PON1: variants seen among roughly 807,000 people sequenced by gnomAD.
The protein encoded by PON1 is serum paraoxonase/arylesterase 1.
A neutral mutation model predicts 39.2 loss-of-function variants in PON1; 37 were observed. The observed-to-expected ratio is 0.94, with a 90% CI of 0.73 to 1.24. The LOEUF is 1.24. PON1 is among the 50% of genes most tolerant of loss of function. The pLI is 0.00. For missense variants in PON1, 397 were observed against 413.5 expected, an observed-to-expected ratio of 0.96 and a Z score of 0.35; for synonymous variants, 148 against 152.2, an observed-to-expected ratio of 0.97 and a Z score of 0.21.
intron 8 of PON1, 98 bp downstream of exon 8, chr7:95,302,107 A>G: frequency 1.3e-6 from 1 of 796,594 alleles, no homozygotes; most frequent in Admixed American, 3.0e-5. Context: ...AAAAAAAAAA[A>G]AAAAAAAAAA....
Position 95,299,073 on chromosome 7 carries a change from T to G in PON1, c.939A>C (p.Glu313Asp). Reference protein sequence around the residue: ...EVLRIQNILTEEPKVTQVYAE... With the variant: ...EVLRIQNILTDEPKVTQVYAE... ...CATAAACCTGTGTCACTTTAGGTTC[T>G]TCTGTTAGAATGTTCTGGATTCGAA... is the stretch of plus-strand genomic sequence containing the variant. The change falls in exon 9 of 9, where the codon GAA becomes GAC. Residue 313 changes from glutamate to aspartate, a missense_variant. Physicochemically the swap from Glu to Asp is conservative, Grantham distance 45. Transcript: ENST00000222381. 1.2e-6 allele frequency: 2 copies of G among 1,614,176 alleles called. No homozygotes were observed. The highest frequency in any genetic ancestry group is 1.7e-6 in the Non-Finnish European group (2 of 1,179,994).
chr7:95,298,058 C>T lies in PON1; in HGVS notation c.*886G>A, dbSNP rs1260500866. The T allele has an allele frequency of 6.6e-6, 1 of 152,038 alleles. No individual in the cohort carries two copies. The highest frequency in any genetic ancestry group is 1.5e-5 in the Non-Finnish European group (1 of 68,008). 9.4% of individuals were successfully genotyped at this position (152,038 alleles called of 1,614,324 possible). ...CTATTATTTTTTTTCTTTTCAGCCTCCACAACAAGAAGTTTAAATATTAAA... is the reference window on the plus strand; with the variant it reads ...CTATTATTTTTTTTCTTTTCAGCCTTCACAACAAGAAGTTTAAATATTAAA... On this transcript the variant is annotated 3_prime_UTR_variant, in exon 9 of 9. Coordinates refer to ENST00000222381, the MANE Select transcript of PON1 (RefSeq NM_000446.7).
rs371758345 is a variant in PON1, at chr7:95,324,514, C to G, written c.-39G>C. 77 of 1,592,850 alleles carry G rather than the reference C, an allele frequency of 4.8e-5. No individual in the cohort carries two copies. The South Asian group carries it at 6.0e-4, about 12-fold the overall frequency. ...CAAAGGGATCGATGGGCGCAGACAC[C>G]GACGGGCTAGGAGGCTCTGCCTGCC... is the stretch of plus-strand genomic sequence containing the variant. On this transcript the variant is annotated 5_prime_UTR_variant, in exon 1 of 9. Coordinates refer to ENST00000222381, the MANE Select transcript of PON1 (RefSeq NM_000446.7).
At chr7:95,319,841 A>G (rs185125979) in intron 1 of PON1, among the ~76,000 whole-genome samples, 1 of 152,334 alleles carries the variant, frequency 6.6e-6, no homozygotes, top group East Asian at 1.9e-4. Flanking sequence ...ACATGCACAC[A>G]CATACACATA....
Position 95,298,968 on chromosome 7 carries a change from G to A in PON1, c.1044C>T (p.His348=). Residue 348 remains histidine (H), a synonymous_variant, in exon 9 of 9, where the codon CAC becomes CAT. Coordinates refer to ENST00000222381, the MANE Select transcript of PON1 (RefSeq NM_000446.7). The part of the protein sequence containing the change: ...KGKLLIGTVF[H]KALYCEL ...GTTAGAGCTCACAGTAAAGAGCTTTGTGAAACACTGTGCCAATCAGCAGTT... is the reference window on the plus strand; with the variant it reads ...GTTAGAGCTCACAGTAAAGAGCTTTATGAAACACTGTGCCAATCAGCAGTT... The A allele has an allele frequency of 6.2e-7, 1 of 1,614,156 alleles. No homozygotes were observed. The highest frequency in any genetic ancestry group is 8.5e-7 in the Non-Finnish European group (1 of 1,180,020).
chr7:95,320,869 G>A lies in PON1; in HGVS notation c.75-2476C>T, dbSNP rs77317494. On this transcript the variant is annotated intron_variant, in intron 1 of 8. Coordinates refer to ENST00000222381, the MANE Select transcript of PON1 (RefSeq NM_000446.7). The stretch of plus-strand genomic sequence containing the variant: ...TGATTCACTAGACTCTGAACTCTGC[G>A]CAGAAACCATACAGCCTTTGCTGTG... 5.6e-3 allele frequency among the ~76,000 whole-genome samples: 856 copies of A among 152,288 alleles called. 12 individuals carry two copies. The highest frequency in any genetic ancestry group is 0.019 in the African/African-American group (808 of 41,562).
Position 95,302,216 on chromosome 7 carries a change from G to GAGGAT in PON1, c.893_897dup (p.Pro300IlefsTer14). 1 of 1,612,080 alleles carries GAGGAT rather than the reference G, an allele frequency of 6.2e-7. No homozygotes were observed. Among genetic ancestry groups the GAGGAT allele is most frequent in the Non-Finnish European group, 8.5e-7 (1 of 1,179,020 alleles). On this transcript the variant is annotated frameshift_variant, in exon 8 of 9. Coordinates refer to ENST00000222381, the MANE Select transcript of PON1 (RefSeq NM_000446.7). LOFTEE classifies it high-confidence loss of function. Reference sequence around the variant, plus strand: ...TTTTTAAAACTTACCTCTGATGCAGGAGGATTCTCTGAGTCATAGAAGAAG... The same window carrying GAGGAT: ...TTTTTAAAACTTACCTCTGATGCAGGAGGATAGGATTCTCTGAGTCATAGAAGAAG...
At chr7:95,310,907 T>C (rs1375130775) in intron 5 of PON1, among the ~76,000 whole-genome samples, 1 of 152,204 alleles carries the variant, frequency 6.6e-6, no homozygotes, top group Non-Finnish European at 1.5e-5. Context: ...GAGTGTTTTA[T>C]TTCACCATAT....
rs1260818425 is a variant in PON1, at chr7:95,308,066, C to T, written c.643G>A (p.Val215Met). Residue 215 changes from valine (V) to methionine (M), a missense_variant, in exon 6 of 9, where the codon GTG (valine) becomes ATG (methionine). By Grantham distance (21) the Val-to-Met change is conservative. Coordinates refer to ENST00000222381, the MANE Select transcript of PON1 (RefSeq NM_000446.7). ...GCAAAATCAAATCCTTCTGCCACCA[C>T]TCGAACTTCACTTGGACTATAGTAG... ...VVYYSPSEVR[V>M]VAEGFDFANG... is the part of the protein sequence containing the mutation. The T allele has an allele frequency of 3.1e-6, 5 of 1,614,028 alleles. No individual in the cohort carries two copies. In the South Asian group the frequency reaches 3.3e-5, roughly 11 times the overall value.
chr7:95,303,891 G>T (rs999369708), intron 7 of PON1, among the ~76,000 whole-genome samples: 6 of 152,098 alleles, frequency 3.9e-5, no homozygotes, highest in Non-Finnish European at 7.3e-5. Context: ...AGGTTTTTGC[G>T]CATTGAGGTT....
rs770841829 is a variant in PON1, at chr7:95,302,096, CAAAAA to C, written c.909+104_909+108del. On this transcript the variant is annotated intron_variant, in intron 8 of 8. Coordinates refer to ENST00000222381, the MANE Select transcript of PON1 (RefSeq NM_000446.7). Reference sequence around the variant, plus strand: ...TGGGCGACAGAGCGATACTCTGTCACAAAAAAAAAAAAAAAAAAAAAAAAACCAAG... The same window carrying C: ...TGGGCGACAGAGCGATACTCTGTCACAAAAAAAAAAAAAAAAAAAACCAAG... 5.5e-3 allele frequency: 1,758 copies of C among 320,130 alleles called. 4 individuals are homozygous for C. The highest frequency in any genetic ancestry group is 0.048 in the African/African-American group (935 of 19,664). 19.8% of individuals were successfully genotyped at this position (320,130 alleles called of 1,614,324 possible).
In PON1 at chr7:95,314,576, G is replaced by A. The variant is rs371856182; in HGVS notation, c.370+746C>T. Among the ~76,000 whole-genome samples, 51 of 152,238 alleles carry A rather than the reference G, an allele frequency of 3.4e-4. 1 individual carries two copies. The East Asian group carries it at 5.4e-3, about 16-fold the overall frequency. ...TGAAATGGAGGTAATGGGTATAAAC[G>A]TGGTTCTTAACCCTAGCCTGACATT... On this transcript the variant is annotated intron_variant, in intron 4 of 8. Transcript: ENST00000222381.
At chr7:95,305,733 G>A (rs1807525279) in intron 7 of PON1, among the ~76,000 whole-genome samples, 1 of 152,068 alleles carries the variant, frequency 6.6e-6, no homozygotes, top group Non-Finnish European at 1.5e-5. Context: ...AGAGGGAATG[G>A]TGCCCCGTTC....
At chr7:95,310,080 G>A (rs906534483) in intron 5 of PON1, among the ~76,000 whole-genome samples, 1 of 152,134 alleles carries the variant, frequency 6.6e-6, no homozygotes, top group Non-Finnish European at 1.5e-5. Context: ...TCACTATTTT[G>A]TAGAGGTTTA....
intron 5 of PON1, among the ~76,000 whole-genome samples, chr7:95,308,581 G>A (rs3917538): frequency 0.32 from 48,718 of 151,808 alleles, 8,914 homozygotes; most frequent in East Asian, 0.51. Context: ...ATCATTGTCA[G>A]GGCAAAAATG....
intron 1 of PON1, among the ~76,000 whole-genome samples, chr7:95,320,335 C>T (rs1402470273): frequency 1.3e-5 from 2 of 152,202 alleles, no homozygotes. Context: ...AGAAGATGAT[C>T]TCTAGCCTGG....
At chr7:95,311,613 C>A (rs1193047238) in intron 4 of PON1, 36 bp from the exon 5 acceptor site, 6 of 1,613,230 alleles carry the variant, frequency 3.7e-6, no homozygotes, top group Non-Finnish European at 3.4e-6. Flanking sequence ...GAAACATTAA[C>A]TAAGCTCTCA....
intron 5 of PON1, among the ~76,000 whole-genome samples, chr7:95,309,143 G>A (rs1807603985): frequency 6.6e-6 from 1 of 152,038 alleles, no homozygotes; most frequent in Non-Finnish European, 1.5e-5. Flanking sequence ...TGTAAAGAGA[G>A]GTTAAATGAT....
intron 5 of PON1, among the ~76,000 whole-genome samples, chr7:95,311,140 C>T (rs1337634892): frequency 6.7e-6 from 1 of 149,326 alleles, no homozygotes; most frequent in African/African-American, 2.5e-5. Context: ...ATCTATGAAG[C>T]CGGTTTGGGT....
Sources: gnomAD v4.1 joint callset for allele counts (sites outside exome capture counted in the v4.1 genomes callset) on GRCh38, gnomAD v4.1.1 for gene constraint, MANE v1.5 for transcripts, NCBI Gene and HGNC (gene_info 2026-07-23, HGNC 2026-07-21) for gene names.